OSBP2: variants seen among roughly 807,000 people sequenced by gnomAD.
OSBP2 encodes the protein oxysterol-binding protein 2.
In OSBP2, 66 loss-of-function variants were observed where a neutral mutation model predicts 96.0. That is an observed-to-expected ratio of 0.69 (90% CI 0.56 to 0.84). The LOEUF is 0.84. Among genes scored for constraint, OSBP2 ranks in the 40% least tolerant of loss-of-function variants. The pLI is 0.00. For synonymous variants in OSBP2, 525 were observed against 520.9 expected, an observed-to-expected ratio of 1.01 and a Z score of -0.11; for missense variants, 1,038 against 1,222.7, an observed-to-expected ratio of 0.85 and a Z score of 2.25.
At chr22:30,809,821 C>T (rs777608779) in intron 2 of OSBP2, among the ~76,000 whole-genome samples, 5 of 151,946 alleles carry the variant, frequency 3.3e-5, no homozygotes, top group Non-Finnish European at 5.9e-5. Context: ...GTGGAGAAGA[C>T]GATATGGATT....
At chr22:30,891,118 C>A in intron 8 of OSBP2, 145 bp downstream of exon 8, 1 of 994,386 alleles carries the variant, frequency 1.0e-6, no homozygotes, top group African/African-American at 1.6e-5. Flanking sequence ...GAGGTCCAGC[C>A]AGGGAGCAGG....
intron 1 of OSBP2, among the ~76,000 whole-genome samples, chr22:30,718,924 A>C (rs9606769): frequency 0.012 from 1,860 of 152,326 alleles, 13 homozygotes; most frequent in Non-Finnish European, 0.019. Flanking sequence ...CACTGTGACA[A>C]GAAAGGCACC....
intron 2 of OSBP2, among the ~76,000 whole-genome samples, chr22:30,798,010 C>T (rs1188419930): frequency 2.0e-5 from 3 of 152,166 alleles, no homozygotes; most frequent in East Asian, 3.8e-4. Flanking sequence ...GGAACCTCCA[C>T]CCTATTTTCC....
chr22:30,726,654 A>C (rs766417003), intron 1 of OSBP2, among the ~76,000 whole-genome samples: 22 of 151,574 alleles, frequency 1.5e-4, no homozygotes, highest in Non-Finnish European at 2.8e-4. Context: ...ATAATAAATA[A>C]TAAATAAATA....
intron 2 of OSBP2, among the ~76,000 whole-genome samples, chr22:30,801,991 G>GAATC (rs2090857179): frequency 6.6e-6 from 1 of 151,930 alleles, no homozygotes. Flanking sequence ...TAAATAGAAT[G>GAATC]AATGAATGAA....
chr22:30,872,622 G>T (rs994181440), intron 3 of OSBP2: 3 of 352,900 alleles, frequency 8.5e-6, no homozygotes, highest in African/African-American at 4.3e-5. Context: ...GCTGTGCCCT[G>T]GGCTGGGTTC....
Position 30,881,048 on chromosome 22 carries a change from G to C in OSBP2, c.1108-6378G>C, listed in dbSNP as rs1235047855. On this transcript the variant is annotated intron_variant, in intron 3 of 13. Coordinates refer to ENST00000332585, the MANE Select transcript of OSBP2 (RefSeq NM_030758.4). This position sits in a 1 kb window ranked among gnomAD's most constrained non-coding sequence, Gnocchi z 4.5. ...AGACCCCCCTTGTCTGTCGAGCTTTGTGGTTCTCACTCTGCTTGGGGGCAA... is the reference window on the plus strand; with the variant it reads ...AGACCCCCCTTGTCTGTCGAGCTTTCTGGTTCTCACTCTGCTTGGGGGCAA... 6.6e-6 allele frequency among the ~76,000 whole-genome samples: 1 copy of C among 152,124 alleles called. No individual in the cohort carries two copies. The highest frequency in any genetic ancestry group is 1.5e-5 in the Non-Finnish European group (1 of 67,998).
chr22:30,731,996 A>G (rs759144601), intron 1 of OSBP2, among the ~76,000 whole-genome samples: 7 of 152,148 alleles, frequency 4.6e-5, no homozygotes, highest in Non-Finnish European at 1.0e-4. Flanking sequence ...GCCGTTACCA[A>G]TCATGGAAAT....
chr22:30,742,816 T>C (rs1369862799), intron 2 of OSBP2, among the ~76,000 whole-genome samples: 2 of 152,210 alleles, frequency 1.3e-5, no homozygotes, highest in Admixed American at 6.5e-5. Flanking sequence ...AAGTACTTCA[T>C]TTCATGCACA....
chr22:30,843,602 G>A (rs1253400785), intron 2 of OSBP2, among the ~76,000 whole-genome samples: 2 of 152,146 alleles, frequency 1.3e-5, no homozygotes, highest in Non-Finnish European at 2.9e-5. Flanking sequence ...TGTAGCTCAT[G>A]CCTGTAATCC....
intron 2 of OSBP2, among the ~76,000 whole-genome samples, chr22:30,814,160 T>C (rs1454973727): frequency 1.3e-5 from 2 of 152,126 alleles, no homozygotes; most frequent in Admixed American, 1.3e-4. Flanking sequence ...AGGAAGTATA[T>C]GAGTCAGCCT....
intron 1 of OSBP2, among the ~76,000 whole-genome samples, chr22:30,705,661 G>A (rs1050458350): frequency 2.0e-5 from 3 of 152,140 alleles, no homozygotes; most frequent in Non-Finnish European, 4.4e-5. Context: ...ACTGAACCTT[G>A]TACGTTTCTC....
chr22:30,708,383 G>A (rs1230615937), intron 1 of OSBP2, among the ~76,000 whole-genome samples: 4 of 148,898 alleles, frequency 2.7e-5, no homozygotes, highest in East Asian at 4.0e-4. Context: ...GGCCAATCTC[G>A]TTTCATCTCA....
At chr22:30,763,996 C>A (rs2090239033) in intron 2 of OSBP2, among the ~76,000 whole-genome samples, 2 of 152,178 alleles carry the variant, frequency 1.3e-5, no homozygotes, top group Middle Eastern at 3.2e-3. Flanking sequence ...TAGGGAAGCA[C>A]CAGCAGGTTG....
At chr22:30,850,468 T>TG in intron 2 of OSBP2, among the ~76,000 whole-genome samples, 1 of 152,174 alleles carries the variant, frequency 6.6e-6, no homozygotes, top group Middle Eastern at 3.2e-3. Context: ...CCTCCAGGTT[T>TG]GTTCTTGTTT....
Position 30,906,550 on chromosome 22 carries a change from G to A in OSBP2, c.*211G>A, listed in dbSNP as rs1046989461. 39 of 526,102 alleles carry A rather than the reference G, an allele frequency of 7.4e-5. 1 individual carries two copies. The Admixed American group carries it at 1.3e-3, about 18-fold the overall frequency. 32.6% of individuals were successfully genotyped at this position (526,102 alleles called of 1,614,324 possible). On this transcript the variant is annotated 3_prime_UTR_variant, in exon 14 of 14. Transcript: ENST00000332585. The stretch of plus-strand genomic sequence containing the variant: ...TGGGTTCTCTCCAGCCCCCAGGTGC[G>A]CCGGGTCACCCGTGCCCCTTCATTA...
intron 2 of OSBP2, among the ~76,000 whole-genome samples, chr22:30,764,779 C>A (rs149748837): frequency 2.1e-4 from 32 of 152,178 alleles, no homozygotes; most frequent in Admixed American, 6.5e-4. Flanking sequence ...GACCCTCAGA[C>A]CCCTCAGTCC....
At chr22:30,805,893 C>A (rs1221212027) in intron 2 of OSBP2, among the ~76,000 whole-genome samples, 1 of 152,168 alleles carries the variant, frequency 6.6e-6, no homozygotes, top group East Asian at 1.9e-4. Context: ...CAGAGAAACC[C>A]CTTCCAAGAA....
intron 3 of OSBP2, among the ~76,000 whole-genome samples, chr22:30,883,598 T>C (rs1049958112): frequency 6.6e-6 from 1 of 152,142 alleles, no homozygotes; most frequent in Non-Finnish European, 1.5e-5. Flanking sequence ...TGCAGCCAGG[T>C]AGGATGTTAG....
Sources: allele counts gnomAD v4.1 joint callset (sites outside exome capture counted in the v4.1 genomes callset), GRCh38; gene constraint gnomAD v4.1.1; non-coding constraint Gnocchi (gnomAD v3.1); transcripts MANE v1.5; gene names NCBI Gene and HGNC (gene_info 2026-07-23, HGNC 2026-07-21).